COL28A1: variants seen among roughly 807,000 people sequenced by gnomAD.
COL28A1 encodes the protein collagen alpha-1(XXVIII) chain.
A neutral mutation model predicts 150.2 loss-of-function variants in COL28A1; 161 were observed. That is an observed-to-expected ratio of 1.07 (90% confidence interval 0.94 to 1.22). The LOEUF (loss-of-function observed/expected upper bound fraction) is 1.22, where lower values mean the gene tolerates loss of function less well. Among genes scored for constraint, COL28A1 ranks in the 50% most tolerant of loss-of-function variants. The pLI, the probability that COL28A1 is intolerant of heterozygous loss-of-function variation, is 0.00. For synonymous variants in COL28A1, 552 were observed against 469.7 expected, an observed-to-expected ratio of 1.18 and a Z score of -2.26; for missense variants, 1,617 against 1,388.3, an observed-to-expected ratio of 1.16 and a Z score of -2.62.
At chr7:7,374,525 G>C (rs532522911) in intron 31 of COL28A1, among the ~76,000 whole-genome samples, 1 of 152,044 alleles carries the variant, frequency 6.6e-6, no homozygotes, top group African/African-American at 2.4e-5. Context: ...AGTAATCCCC[G>C]AGAACACTAG....
intron 27 of COL28A1, among the ~76,000 whole-genome samples, chr7:7,381,861 C>A (rs1291746594): frequency 6.6e-6 from 1 of 152,110 alleles, no homozygotes; most frequent in Non-Finnish European, 1.5e-5. Flanking sequence ...TGCCATTTGC[C>A]TATTTCTGTG....
chr7:7,441,757 GAC>G (rs1296002853), intron 20 of COL28A1, among the ~76,000 whole-genome samples: 1 of 151,980 alleles, frequency 6.6e-6, no homozygotes, highest in African/African-American at 2.4e-5. Flanking sequence ...CTGGTTCAGG[GAC>G]CACACTTTGA....
rs1554270137 is a variant in COL28A1, at chr7:7,429,426, T to TCTCTCTCACA, written c.1998+3046_1998+3047insTGTGAGAGAG. Among the ~76,000 whole-genome samples, 145 of 119,386 alleles carry TCTCTCTCACA rather than the reference T, an allele frequency of 1.2e-3. 1 individual carries two copies. Among genetic ancestry groups the TCTCTCTCACA allele is most frequent in the African/African-American group, 4.3e-3 (137 of 32,106 alleles). 78.3% of individuals were successfully genotyped at this position (119,386 alleles called of 152,430 possible). ...ATCTCCCTCTCTCTCTCTCTCTCTCTCACATACACACACACTCTCTTTCTC... is the reference window on the plus strand; with the variant it reads ...ATCTCCCTCTCTCTCTCTCTCTCTCTCTCTCTCACACACATACACACACACTCTCTTTCTC... On this transcript the variant is annotated intron_variant, in intron 25 of 34. Coordinates refer to ENST00000399429, the MANE Select transcript of COL28A1 (RefSeq NM_001037763.3).
At chr7:7,340,923 G>A in the COL28A1 span, among the ~76,000 whole-genome samples, 1 of 152,130 alleles carries the variant, frequency 6.6e-6, no homozygotes. Context: ...ACTCTTCAGA[G>A]TTCCATCCAA....
chr7:7,389,331 C>CTTG lies in COL28A1; in HGVS notation c.2137-7720_2137-7719insCAA, dbSNP rs1446832776. On this transcript the variant is annotated intron_variant, in intron 27 of 34. Coordinates refer to ENST00000399429, the MANE Select transcript of COL28A1 (RefSeq NM_001037763.3). ...TAGATGTATAGTGTTATTTCTGAGG[C>CTTG]TTCTGTTCTGTTCCACTGGTCAACA... is the stretch of plus-strand genomic sequence containing the variant. Among the ~76,000 whole-genome samples the CTTG allele has an allele frequency of 2.0e-5, 3 of 152,042 alleles. 1 individual carries two copies. The highest frequency in any genetic ancestry group is 4.4e-5 in the Non-Finnish European group (3 of 67,996).
rs1782579717 is a variant in COL28A1, at chr7:7,392,107, G to A, written c.2137-10495C>T. Among the ~76,000 whole-genome samples, 4 of 152,304 alleles carry A rather than the reference G, an allele frequency of 2.6e-5. No homozygotes were observed. In the South Asian group the frequency reaches 6.2e-4, roughly 24 times the overall value. On this transcript the variant is annotated intron_variant, in intron 27 of 34. Coordinates refer to ENST00000399429, the MANE Select transcript of COL28A1 (RefSeq NM_001037763.3). ...TAGAATTTGGTATGTTTCTGGCATTGGCTGGTGCTGGTTGTTCCTTTCCAT... is the reference window on the plus strand; with the variant it reads ...TAGAATTTGGTATGTTTCTGGCATTAGCTGGTGCTGGTTGTTCCTTTCCAT...
intron 15 of COL28A1, 83 bp from the exon 16 acceptor site, chr7:7,456,195 G>C: frequency 1.3e-6 from 2 of 1,496,706 alleles, no homozygotes; most frequent in Non-Finnish European, 1.8e-6. Context: ...ATTGGGCTGT[G>C]TTAAAATCTA....
intron 27 of COL28A1, among the ~76,000 whole-genome samples, chr7:7,390,678 T>G (rs529191511): frequency 6.6e-6 from 1 of 152,300 alleles, no homozygotes; most frequent in Non-Finnish European, 1.5e-5. Context: ...GAACTTGTTT[T>G]GGTCTGTTCG....
chr7:7,478,429 C>T (rs534458970), intron 13 of COL28A1, among the ~76,000 whole-genome samples: 9 of 152,340 alleles, frequency 5.9e-5, no homozygotes, highest in East Asian at 3.9e-4. Context: ...ATCCCTTAGC[C>T]GGACATAAAG....
intron 25 of COL28A1, among the ~76,000 whole-genome samples, chr7:7,420,480 G>T (rs1326947027): frequency 6.6e-6 from 1 of 152,204 alleles, no homozygotes; most frequent in Non-Finnish European, 1.5e-5. Flanking sequence ...GGTAGGTGAC[G>T]CCCTGTGGCA....
At chr7:7,380,430 A>C (rs1426675458) in intron 30 of COL28A1, among the ~76,000 whole-genome samples, 1 of 152,138 alleles carries the variant, frequency 6.6e-6, no homozygotes, top group Non-Finnish European at 1.5e-5. Flanking sequence ...ATCCGAGTGG[A>C]GTAGTCACAC....
At chr7:7,495,789 T>A (rs1410213605) in intron 11 of COL28A1, among the ~76,000 whole-genome samples, 1 of 152,186 alleles carries the variant, frequency 6.6e-6, no homozygotes, top group Non-Finnish European at 1.5e-5. Flanking sequence ...TTGCACCCAC[T>A]CTAGCATGCT....
intron 33 of COL28A1, among the ~76,000 whole-genome samples, chr7:7,361,276 G>A (rs1541504): frequency 0.69 from 102,247 of 147,880 alleles, 35,947 homozygotes; most frequent in East Asian, 0.87. Context: ...GATATATAAC[G>A]AAACAAGAAA....
chr7:7,436,436 C>A lies in COL28A1; in HGVS notation c.1819G>T (p.Gly607Ter). Residue 607 changes from glycine to a stop codon, truncating the protein, a stop_gained, in exon 23 of 35, where the codon GGA becomes TGA. Coordinates refer to ENST00000399429, the MANE Select transcript of COL28A1 (RefSeq NM_001037763.3). LOFTEE classifies it high-confidence loss of function. ...GAAAGTCCAGGTTCTCCCTTAAATC[C>A]AGGTATCCCAGGTCCTCCTCTATCT... is the stretch of plus-strand genomic sequence containing the variant. ...KGDRGGPGIPGFKGEPGLSIR... is the reference protein window; with the variant it reads ...KGDRGGPGIP The A allele has an allele frequency of 2.1e-6, 3 of 1,409,866 alleles. No individual in the cohort carries two copies. The highest frequency in any genetic ancestry group is 3.0e-6 in the Non-Finnish European group (3 of 993,644). 87.3% of individuals were successfully genotyped at this position (1,409,866 alleles called of 1,614,324 possible).
intron 25 of COL28A1, chr7:7,431,557 T>C (rs931220319): frequency 6.4e-6 from 3 of 471,004 alleles, no homozygotes; most frequent in Admixed American, 4.7e-5. Flanking sequence ...GGGCAGGCCA[T>C]TTTGGCTGAA....
chr7:7,354,235 C>A (rs1780297948), downstream of COL28A1, among the ~76,000 whole-genome samples: 1 of 152,076 alleles, frequency 6.6e-6, no homozygotes, highest in Admixed American at 6.6e-5. Context: ...CTCAAGCGAT[C>A]TGCCCACCTT....
intron 18 of COL28A1, among the ~76,000 whole-genome samples, chr7:7,445,124 C>A (rs1345615724): frequency 2.0e-5 from 3 of 152,154 alleles, no homozygotes; most frequent in Non-Finnish European, 4.4e-5. Flanking sequence ...CAGCATCATG[C>A]TTCCTGTGCA....
At chr7:7,368,398 G>GT (rs200123294) in intron 33 of COL28A1, among the ~76,000 whole-genome samples, 4,842 of 97,854 alleles carry the variant, frequency 0.049, 115 homozygotes, top group Non-Finnish European at 0.064. Flanking sequence ...TGTTTTTTTT[G>GT]TTTTTTGCTA....
At chr7:7,496,565 G>A (rs1333463920) in intron 11 of COL28A1, among the ~76,000 whole-genome samples, 1 of 151,846 alleles carries the variant, frequency 6.6e-6, no homozygotes, top group Non-Finnish European at 1.5e-5. Context: ...TTTTTTAGCT[G>A]AAAGAGTAAT....
Sources: allele counts gnomAD v4.1 joint callset (sites outside exome capture counted in the v4.1 genomes callset), GRCh38; gene constraint gnomAD v4.1.1; transcripts MANE v1.5; gene names NCBI Gene and HGNC (gene_info 2026-07-23, HGNC 2026-07-21).